Variants in CES5A observed in about 807,000 individuals in gnomAD.
The protein encoded by CES5A is carboxylesterase 5.
In CES5A, 67 loss-of-function variants were observed where a neutral mutation model predicts 62.9. The observed-to-expected ratio is 1.07, with a 90% CI of 0.88 to 1.31. The LOEUF (loss-of-function observed/expected upper bound fraction) is 1.31. Among genes scored for constraint, CES5A ranks in the 50% most tolerant of loss-of-function variants. The pLI, the probability that CES5A is intolerant of heterozygous loss-of-function variation, is 0.00. For missense variants in CES5A, 748 were observed against 708.5 expected (o/e 1.06, Z -0.63); for synonymous variants, 296 against 280.8 (o/e 1.05, Z -0.54).
intron 8 of CES5A, among the ~76,000 whole-genome samples, chr16:55,859,005 C>G (rs773251200): frequency 6.6e-6 from 1 of 152,176 alleles, no homozygotes; most frequent in African/African-American, 2.4e-5. Flanking sequence ...ATCTGTCTCT[C>G]CCCACCAGAG....
rs529456613 is a variant in CES5A at position 55,871,600 on chromosome 16, C to T, written c.417+25G>A. 26 of 1,612,840 alleles carry T rather than the reference C, an allele frequency of 1.6e-5. No individual in the cohort carries two copies. The East Asian group carries it at 1.8e-4, about 11-fold the overall frequency. On this transcript the variant is annotated intron_variant, in intron 3 of 12. Transcript: ENST00000290567. ...GGCCAAGGTCCTGCTAGCTAGAGCCCGAAGCACACAGCAGGCAGCCTTACG... is the reference window on the plus strand; with the variant it reads ...GGCCAAGGTCCTGCTAGCTAGAGCCTGAAGCACACAGCAGGCAGCCTTACG...
chr16:55,902,983 C>T (rs77960298), intron 1 of CES5A, among the ~76,000 whole-genome samples: 1,770 of 152,120 alleles, frequency 0.012, 41 homozygotes, highest in African/African-American at 0.04. Context: ...GACAGTATAA[C>T]GAAGAAGGGC....
At chr16:55,854,533 T>TTCTGTTTTCTTTCTTTTTTTTCTTTC (rs554381792) in intron 9 of CES5A, among the ~76,000 whole-genome samples, 1 of 12,358 alleles carries the variant, frequency 8.1e-5, no homozygotes, top group Non-Finnish European at 1.7e-4. Context: ...TAGTGTTTCT[T>TTCTGTTTTCTTTCTTTTTTTTCTTTC]TTTTTTTTTT....
intron 4 of CES5A, among the ~76,000 whole-genome samples, chr16:55,868,901 C>T (rs1416841024): frequency 6.6e-6 from 1 of 152,216 alleles, no homozygotes; most frequent in African/African-American, 2.4e-5. Flanking sequence ...AGAGAACCTT[C>T]CTTGAAGGAT....
rs1567328939 is a variant in CES5A at position 55,863,410 on chromosome 16, T to G, written c.748A>C (p.Met250Leu). 1 of 1,609,916 alleles carries G rather than the reference T, an allele frequency of 6.2e-7. No individual in the cohort carries two copies. Among genetic ancestry groups the G allele is most frequent in the Non-Finnish European group, 8.5e-7 (1 of 1,177,104 alleles). The change falls in exon 6 of 13, where the codon ATG becomes CTG. Residue 250 changes from methionine to leucine, a missense_variant. By Grantham distance (15) the Met-to-Leu change is conservative. Coordinates refer to ENST00000290567, the MANE Select transcript of CES5A (RefSeq NM_001143685.2). Reference sequence around the variant, plus strand: ...GGGATGATGGCCACCCCACTCTCCATGATGGCTTTGTGGAATAAGCCTTTG... The same window carrying G: ...GGGATGATGGCCACCCCACTCTCCAGGATGGCTTTGTGGAATAAGCCTTTG... ...MAKGLFHKAI[M>L]ESGVAIIPYL...
Position 55,869,611 on chromosome 16 carries a change from G to A in CES5A, c.551C>T (p.Thr184Ile), listed in dbSNP as rs147903375. The change falls in exon 4 of 13, where the codon ACC (threonine) becomes ATC (isoleucine). Residue 184 changes from threonine to isoleucine, a missense_variant and splice_region_variant. Physicochemically the swap from Thr to Ile is moderately conservative, Grantham distance 89. Transcript: ENST00000290567. Reference protein sequence around the residue: ...QYRLGIFGFFTTWDQHAPGNW... With the variant: ...QYRLGIFGFFITWDQHAPGNW... The stretch of plus-strand genomic sequence containing the variant: ...ATGTCCATCATTTGGAGAGACTCAC[G>A]TGAAGAAACCAAATATTCCTAGCCG... The A allele has an allele frequency of 1.0e-4, 161 of 1,613,592 alleles. No homozygotes were observed. The highest frequency in any genetic ancestry group is 1.2e-4 in the Non-Finnish European group (140 of 1,179,830).
intron 2 of CES5A, among the ~76,000 whole-genome samples, chr16:55,939,783 C>A (rs1399526715): frequency 6.6e-6 from 1 of 151,672 alleles, no homozygotes; most frequent in Non-Finnish European, 1.5e-5. Context: ...ATAAAACAAG[C>A]TTTAACCAAT....
intron 7 of CES5A, 45 bp downstream of exon 7, chr16:55,861,367 T>C: frequency 9.4e-7 from 1 of 1,062,396 alleles, no homozygotes; most frequent in Middle Eastern, 2.0e-4. Flanking sequence ...CATCTCTCCG[T>C]TCGAAGGGCA....
chr16:55,942,207 G>A (rs1478413906), intron 2 of CES5A, among the ~76,000 whole-genome samples: 2 of 152,130 alleles, frequency 1.3e-5, no homozygotes, highest in Non-Finnish European at 2.9e-5. Context: ...GAAGCATAAT[G>A]AAAACAATAG....
At chr16:55,945,643 G>T (rs2034487284) in intron 2 of CES5A, among the ~76,000 whole-genome samples, 1 of 152,200 alleles carries the variant, frequency 6.6e-6, no homozygotes, top group Non-Finnish European at 1.5e-5. Flanking sequence ...TGATAGATCA[G>T]TATTTTCCAC....
At chr16:55,874,461 T>C (rs188093164) in intron 1 of CES5A, among the ~76,000 whole-genome samples, 211 of 151,376 alleles carry the variant, frequency 1.4e-3, no homozygotes, top group African/African-American at 4.9e-3. Context: ...GTGCAGCACC[T>C]GCATGATTGC....
intron 2 of CES5A, among the ~76,000 whole-genome samples, chr16:55,933,205 A>G (rs770470925): frequency 3.9e-5 from 6 of 152,198 alleles, no homozygotes; most frequent in South Asian, 2.1e-4. Flanking sequence ...GTCATGTGTC[A>G]CTTCTCTTCA....
chr16:55,870,934 T>C (rs1174870309), intron 3 of CES5A, among the ~76,000 whole-genome samples: 1 of 152,196 alleles, frequency 6.6e-6, no homozygotes, highest in Non-Finnish European at 1.5e-5. Context: ...GTGCCTACTG[T>C]GTGTACAACA....
intron 1 of CES5A, among the ~76,000 whole-genome samples, chr16:55,902,717 T>C (rs2034003663): frequency 6.6e-6 from 1 of 152,208 alleles, no homozygotes; most frequent in Admixed American, 6.5e-5. Context: ...CCCTGTCAGA[T>C]ATAATCTTAT....
At chr16:55,950,299 A>C (rs1351375649) in intron 1 of CES5A, among the ~76,000 whole-genome samples, 2 of 152,214 alleles carry the variant, frequency 1.3e-5, no homozygotes, top group Non-Finnish European at 2.9e-5. Context: ...ATTGGACATG[A>C]AGAACTAAAT....
chr16:55,922,168 A>G (rs1266227441), intron 1 of CES5A, among the ~76,000 whole-genome samples: 2 of 151,994 alleles, frequency 1.3e-5, no homozygotes, highest in South Asian at 2.1e-4. Flanking sequence ...ACAAAATGTC[A>G]ATAGTAAGCC....
Position 55,874,044 on chromosome 16 carries a change from G to A in CES5A, c.74-7C>T. On this transcript the variant is annotated splice_polypyrimidine_tract_variant and splice_region_variant and intron_variant, in intron 1 of 12. Coordinates refer to ENST00000290567, the MANE Select transcript of CES5A (RefSeq NM_001143685.2). ...GGCCCTTCAGCAGAAGGCCCTGCGG[G>A]AACACATGGGAGGAATCAGGAGCAG... is the stretch of plus-strand genomic sequence containing the variant. 6.3e-7 allele frequency: 1 copy of A among 1,593,184 alleles called. No homozygotes were observed. Among genetic ancestry groups the A allele is most frequent in the Non-Finnish European group, 8.5e-7 (1 of 1,170,550 alleles).
chr16:55,919,800 A>G lies in CES5A; in HGVS notation c.-256+5523T>C, dbSNP rs145400460. Among the ~76,000 whole-genome samples, 365 of 152,352 alleles carry G rather than the reference A, an allele frequency of 2.4e-3. 2 individuals are homozygous for G. The highest frequency in any genetic ancestry group is 8.4e-3 in the African/African-American group (351 of 41,582). On this transcript the variant is annotated intron_variant, in intron 1 of 12. Transcript: ENST00000518005. Reference sequence around the variant, plus strand: ...ACCAACCCAACTGTAGAATTGTGGAAATAATCATAGCTGGCACATTTGAGC... The same window carrying G: ...ACCAACCCAACTGTAGAATTGTGGAGATAATCATAGCTGGCACATTTGAGC...
At chr16:55,920,519 C>G (rs188728015) in intron 1 of CES5A, among the ~76,000 whole-genome samples, 1 of 152,160 alleles carries the variant, frequency 6.6e-6, no homozygotes, top group Non-Finnish European at 1.5e-5. Context: ...TGAGACCCCC[C>G]CATTCAGAAA....
Sources: allele counts gnomAD v4.1 joint callset (sites outside exome capture counted in the v4.1 genomes callset), GRCh38; gene constraint gnomAD v4.1.1; transcripts MANE v1.5; gene names NCBI Gene and HGNC (gene_info 2026-07-23, HGNC 2026-07-21).